Variants in GNAQ observed in about 807,000 individuals in gnomAD.
GNAQ encodes the protein G protein subunit alpha q.
In GNAQ, 8 loss-of-function variants were observed where a neutral mutation model predicts 43.9. The ratio of observed to expected loss-of-function variants is 0.18; its 90% confidence interval spans 0.11 to 0.33. The LOEUF is 0.33. Among genes scored for constraint, GNAQ ranks in the 10% least tolerant of loss-of-function variants. GNAQ has a pLI of 1.00. For synonymous variants in GNAQ, 155 were observed against 170.7 expected, an observed-to-expected ratio of 0.91 and a Z score of 0.71; for missense variants, 158 against 450.8, an observed-to-expected ratio of 0.35 and a Z score of 5.88.
At chr9:77,870,435 A>T (rs1215779855) in intron 2 of GNAQ, among the ~76,000 whole-genome samples, 5 of 147,104 alleles carry the variant, frequency 3.4e-5, no homozygotes, top group African/African-American at 1.3e-4. Flanking sequence ...GATTCACGTC[A>T]TTCTCCTGCC....
At chr9:77,810,243 TA>T (rs1826899140) in intron 3 of GNAQ, among the ~76,000 whole-genome samples, 2 of 151,576 alleles carry the variant, frequency 1.3e-5, no homozygotes, top group Non-Finnish European at 2.9e-5. Context: ...TCTATCTATC[TA>T]TCTATCTATC....
intron 5 of GNAQ, among the ~76,000 whole-genome samples, chr9:77,749,605 A>C (rs939637049): frequency 3.3e-5 from 5 of 152,240 alleles, no homozygotes; most frequent in African/African-American, 9.6e-5. Flanking sequence ...CTTCCAGGAC[A>C]ATAGGTGAAG....
chr9:77,882,241 G>A (rs1157200703), intron 2 of GNAQ, among the ~76,000 whole-genome samples: 2 of 152,148 alleles, frequency 1.3e-5, no homozygotes, highest in African/African-American at 2.4e-5. Context: ...GCTGATATAT[G>A]AGTTGATTTG....
chr9:77,918,478 A>T (rs1340286581), intron 2 of GNAQ, among the ~76,000 whole-genome samples: 1 of 152,206 alleles, frequency 6.6e-6, no homozygotes, highest in Non-Finnish European at 1.5e-5. Context: ...TATAAATTAT[A>T]AAGTATATAC....
intron 5 of GNAQ, among the ~76,000 whole-genome samples, chr9:77,759,115 T>G (rs1194687432): frequency 6.6e-6 from 1 of 152,194 alleles, no homozygotes; most frequent in Non-Finnish European, 1.5e-5. Flanking sequence ...TAGATTCATG[T>G]GAAAAGAAAT....
At chr9:77,742,948 T>C (rs144720443) in intron 5 of GNAQ, among the ~76,000 whole-genome samples, 205 of 152,310 alleles carry the variant, frequency 1.3e-3, no homozygotes, top group Admixed American at 2.6e-3. Context: ...TCATAGACTA[T>C]AGCAGGTGCT....
At chr9:77,803,284 T>C (rs1167361244) in intron 3 of GNAQ, among the ~76,000 whole-genome samples, 1 of 152,216 alleles carries the variant, frequency 6.6e-6, no homozygotes, top group Non-Finnish European at 1.5e-5. Flanking sequence ...GCATTATTTG[T>C]TTAACTTCAT....
At chr9:77,944,811 G>T (rs1279783773) in intron 1 of GNAQ, among the ~76,000 whole-genome samples, 1 of 152,236 alleles carries the variant, frequency 6.6e-6, no homozygotes, top group Non-Finnish European at 1.5e-5. Flanking sequence ...TGTGATTGGA[G>T]TGACAAGAAG....
intron 1 of GNAQ, chr9:78,030,565 C>A: frequency 2.1e-6 from 1 of 470,692 alleles, no homozygotes; most frequent in Non-Finnish European, 4.4e-6. Flanking sequence ...TTCCCCCATT[C>A]CCTCCTGACC....
At chr9:77,981,797 T>G (rs1002418552) in intron 1 of GNAQ, among the ~76,000 whole-genome samples, 3 of 152,194 alleles carry the variant, frequency 2.0e-5, no homozygotes, top group Non-Finnish European at 2.9e-5. Flanking sequence ...TCTTCCCATA[T>G]AGAATAAAAA....
At chr9:77,820,413 A>T (rs1244717591) in intron 2 of GNAQ, among the ~76,000 whole-genome samples, 1 of 152,180 alleles carries the variant, frequency 6.6e-6, no homozygotes, top group Non-Finnish European at 1.5e-5. Context: ...TCTTTTTCTG[A>T]GCATTACTGC....
At chr9:77,739,566 C>G (rs1825622710) in intron 5 of GNAQ, among the ~76,000 whole-genome samples, 1 of 152,154 alleles carries the variant, frequency 6.6e-6, no homozygotes. Flanking sequence ...TTGACCTTTC[C>G]TAACTTAGAA....
At chr9:77,892,339 A>C (rs1251320928) in intron 2 of GNAQ, among the ~76,000 whole-genome samples, 2 of 152,162 alleles carry the variant, frequency 1.3e-5, no homozygotes, top group Non-Finnish European at 2.9e-5. Context: ...ATGTAAATGC[A>C]TTAAGTAGGC....
At chr9:78,015,480 A>G (rs1334586756) in intron 1 of GNAQ, among the ~76,000 whole-genome samples, 7 of 152,216 alleles carry the variant, frequency 4.6e-5, no homozygotes. Flanking sequence ...CAAAATTCTC[A>G]GTACTTGGCA....
chr9:77,864,168 C>CTTT (rs113840423), intron 2 of GNAQ, among the ~76,000 whole-genome samples: 65 of 131,358 alleles, frequency 4.9e-4, no homozygotes, highest in African/African-American at 1.5e-3. Flanking sequence ...AGGTGCCAGG[C>CTTT]TTTTTTTTTT....
At chr9:77,792,656 A>G (rs1826594125) in intron 5 of GNAQ, among the ~76,000 whole-genome samples, 1 of 152,128 alleles carries the variant, frequency 6.6e-6, no homozygotes, top group Non-Finnish European at 1.5e-5. Context: ...GTAAATTGAT[A>G]AGTATTACAT....
chr9:77,796,780 G>C (rs1826665949), intron 4 of GNAQ, among the ~76,000 whole-genome samples: 1 of 152,046 alleles, frequency 6.6e-6, no homozygotes, highest in African/African-American at 2.4e-5. Context: ...AGAGGACGTG[G>C]GGAAAACACC....
intron 2 of GNAQ, among the ~76,000 whole-genome samples, chr9:77,836,364 G>A (rs1312875440): frequency 2.0e-5 from 3 of 152,232 alleles, no homozygotes; most frequent in Non-Finnish European, 2.9e-5. Flanking sequence ...TTCCTTAGCA[G>A]TGAACTTTCC....
intron 1 of GNAQ, 130 bp downstream of exon 1, chr9:78,030,970 G>A (rs1449729247): frequency 7.7e-6 from 4 of 520,052 alleles, no homozygotes; most frequent in Non-Finnish European, 1.2e-5. Context: ...AGTGGCCGGG[G>A]GCGCGCCCGG....
Sources: allele counts gnomAD v4.1 joint callset (sites outside exome capture counted in the v4.1 genomes callset), GRCh38; gene constraint gnomAD v4.1.1; transcripts MANE v1.5; gene names NCBI Gene and HGNC (gene_info 2026-07-23, HGNC 2026-07-21).